Variants in POU2AF1 observed in about 807,000 individuals in gnomAD.
POU2AF1 encodes the protein POU class 2 homeobox associating factor 1, also known as POU domain class 2-associating factor 1.
In POU2AF1, 12 loss-of-function variants were observed where a neutral mutation model predicts 26.3. The observed-to-expected ratio is 0.46, with a 90% CI of 0.29 to 0.74. The LOEUF (loss-of-function observed/expected upper bound fraction) is 0.74. POU2AF1 is among the 30% of genes least tolerant of loss of function. POU2AF1 has a pLI of 0.09. For missense variants in POU2AF1, 297 were observed against 334.5 expected, an observed-to-expected ratio of 0.89 and a Z score of 0.87; for synonymous variants, 175 against 148.0, an observed-to-expected ratio of 1.18 and a Z score of -1.32.
chr11:111,356,703 T>C (rs1476311536), intron 4 of POU2AF1, among the ~76,000 whole-genome samples: 5 of 152,248 alleles, frequency 3.3e-5, no homozygotes, highest in African/African-American at 1.2e-4. Context: ...CCTTGGTTAA[T>C]GTTAGCAGAT....
chr11:111,359,104 C>G (rs889992280), intron 1 of POU2AF1, among the ~76,000 whole-genome samples, 186 bp from the exon 2 acceptor site: 7 of 152,184 alleles, frequency 4.6e-5, no homozygotes, highest in African/African-American at 7.2e-5. Flanking sequence ...TCTGTGGGTC[C>G]CCTGCACCCA....
At chr11:111,375,490 G>T (rs11213859) in intron 1 of POU2AF1, among the ~76,000 whole-genome samples, 1 of 146,244 alleles carries the variant, frequency 6.8e-6, no homozygotes, top group African/African-American at 2.6e-5. Flanking sequence ...TCCGCCTCCC[G>T]GGTTCATGCC....
intron 1 of POU2AF1, among the ~76,000 whole-genome samples, chr11:111,360,564 C>A (rs1043692198): frequency 1.3e-5 from 2 of 152,182 alleles, no homozygotes; most frequent in African/African-American, 4.8e-5. Context: ...TTAGACCCAT[C>A]CTCCAAGGTC....
intron 1 of POU2AF1, among the ~76,000 whole-genome samples, chr11:111,370,257 T>C (rs1477519998): frequency 6.6e-6 from 1 of 152,104 alleles, no homozygotes; most frequent in Admixed American, 6.5e-5. Flanking sequence ...TGAAAGACAT[T>C]GGAGAAGGGG....
chr11:111,370,729 C>T (rs1270770886), intron 1 of POU2AF1, among the ~76,000 whole-genome samples: 2 of 152,104 alleles, frequency 1.3e-5, no homozygotes, highest in East Asian at 3.8e-4. Flanking sequence ...GATTTTCTTC[C>T]CAGTGCTAAT....
rs140834337 is a variant in POU2AF1 at position 111,354,295 on chromosome 11, G to A, written c.737C>T (p.Ala246Val). Residue 246 changes from alanine to valine, a missense_variant, in exon 5 of 5, where the codon GCG becomes GTG. Physicochemically the swap from Ala to Val is moderately conservative, Grantham distance 64. Coordinates refer to ENST00000393067, the MANE Select transcript of POU2AF1 (RefSeq NM_006235.3). ...TTCCACAGAGAGAGTGTGGTTAAGCGCATAGGCGTCGCTATCCTCTTCCTC... is the reference window on the plus strand; with the variant it reads ...TTCCACAGAGAGAGTGTGGTTAAGCACATAGGCGTCGCTATCCTCTTCCTC... ...LLEEEDSDAY[A>V]LNHTLSVEGF 3.1e-4 allele frequency: 504 copies of A among 1,614,246 alleles called. 1 individual carries two copies. The highest frequency in any genetic ancestry group is 2.6e-3 in the Middle Eastern group (16 of 6,062).
chr11:111,369,179 G>A (rs561664366), intron 1 of POU2AF1, among the ~76,000 whole-genome samples: 6 of 152,174 alleles, frequency 3.9e-5, no homozygotes, highest in East Asian at 3.8e-4. Flanking sequence ...AAAAGACTTC[G>A]CTTTCGTACA....
At chr11:111,374,689 T>C (rs539608501) in intron 1 of POU2AF1, among the ~76,000 whole-genome samples, 2 of 152,266 alleles carry the variant, frequency 1.3e-5, no homozygotes, top group Non-Finnish European at 2.9e-5. Flanking sequence ...AGCAAGACTC[T>C]ATCTCAAAAA....
intron 1 of POU2AF1, among the ~76,000 whole-genome samples, chr11:111,377,063 G>A (rs1419355982): frequency 1.3e-5 from 2 of 152,180 alleles, no homozygotes; most frequent in East Asian, 3.9e-4. Context: ...GGTGTGAGCA[G>A]GAAGCATGCC....
intron 1 of POU2AF1, among the ~76,000 whole-genome samples, chr11:111,366,320 C>A (rs1861104023): frequency 6.6e-6 from 1 of 152,060 alleles, no homozygotes; most frequent in South Asian, 2.1e-4. Context: ...TGGATGATAC[C>A]CAGGACAGAG....
chr11:111,370,558 G>A (rs1045211764), intron 1 of POU2AF1, among the ~76,000 whole-genome samples: 4 of 152,180 alleles, frequency 2.6e-5, no homozygotes, highest in African/African-American at 9.7e-5. Context: ...CCAACAGAGT[G>A]AGAATGGCAG....
At chr11:111,360,335 GCAGCA>G (rs1860981296) in intron 1 of POU2AF1, among the ~76,000 whole-genome samples, 2 of 152,214 alleles carry the variant, frequency 1.3e-5, no homozygotes, top group Non-Finnish European at 2.9e-5. Flanking sequence ...ACCCGGATCT[GCAGCA>G]CTGCCCTGGT....
intron 1 of POU2AF1, chr11:111,359,975 AT>A (rs1181390137): frequency 5.8e-6 from 3 of 519,014 alleles, no homozygotes; most frequent in Non-Finnish European, 1.2e-5. Context: ...CCCAAGGGTG[AT>A]CCTTGTACCC....
chr11:111,358,837 C>T lies in POU2AF1; in HGVS notation c.98G>A (p.Arg33Lys), dbSNP rs1447300724. Residue 33 changes from arginine (R) to lysine (K), a missense_variant, in exon 2 of 5, where the codon AGG becomes AAG. By Grantham distance (26) the Arg-to-Lys change is conservative. Transcript: ENST00000393067. ...ACTGCTGGCGTGGCCTCGCTTCCTC[C>T]TCAGCAGTTCCTTCACTGGCTCCTT... ...RVKEPVKELLRRKRGHASSGA... is the reference protein window; with the variant it reads ...RVKEPVKELLKRKRGHASSGA... The T allele has an allele frequency of 6.2e-7, 1 of 1,609,012 alleles. No homozygotes were observed.
At position 111,374,495 on chromosome 11, in the gene POU2AF1, G is replaced by A. The variant is rs1192714611; in HGVS notation, c.16+4667C>T. On this transcript the variant is annotated intron_variant, in intron 1 of 4. Coordinates refer to ENST00000393067, the MANE Select transcript of POU2AF1 (RefSeq NM_006235.3). ...GTGGATCACTCGAGGTCAGGAGTTCGAGACCAGCCTGGCCAACATAGTGAA... is the reference window on the plus strand; with the variant it reads ...GTGGATCACTCGAGGTCAGGAGTTCAAGACCAGCCTGGCCAACATAGTGAA... Among the ~76,000 whole-genome samples, 4 of 152,148 alleles carry A rather than the reference G, an allele frequency of 2.6e-5. 1 individual carries two copies. The highest frequency in any genetic ancestry group is 4.1e-4 in the South Asian group (2 of 4,832).
chr11:111,375,069 T>A (rs1451050297), intron 1 of POU2AF1, among the ~76,000 whole-genome samples: 1 of 152,204 alleles, frequency 6.6e-6, no homozygotes, highest in Non-Finnish European at 1.5e-5. Context: ...GACATAATAA[T>A]CTGATACGAA....
In POU2AF1 at chr11:111,354,354, G is replaced by T. The variant is rs565938887; in HGVS notation, c.678C>A (p.Ala226=). The change falls in exon 5 of 5, where the codon GCC becomes GCA. Residue 226 remains alanine, a synonymous_variant. Coordinates refer to ENST00000393067, the MANE Select transcript of POU2AF1 (RefSeq NM_006235.3). ...VLQDMEDPRR[A]ASSLTIDKLL... ...GCTTGTCGATGGTCAACGAGCTGGC[G>T]GCTCTTCTGGGGTCTTCCATGTCCT... 2.5e-6 allele frequency: 4 copies of T among 1,614,078 alleles called. No individual in the cohort carries two copies. Among genetic ancestry groups the T allele is most frequent in the Non-Finnish European group, 3.4e-6 (4 of 1,180,036 alleles).
intron 1 of POU2AF1, 129 bp downstream of exon 1, chr11:111,379,032 TG>T (rs1861368588): frequency 2.9e-6 from 2 of 692,024 alleles, no homozygotes; most frequent in African/African-American, 2.2e-5. Flanking sequence ...CTCCGGGGCT[TG>T]GAACCCAGAC....
intron 1 of POU2AF1, among the ~76,000 whole-genome samples, chr11:111,374,631 G>A (rs767839199): frequency 7.9e-5 from 12 of 152,222 alleles, no homozygotes; most frequent in Non-Finnish European, 1.0e-4. Context: ...GGAGGCAGAG[G>A]TTGCAGTGAG....
Sources: gnomAD v4.1 joint callset for allele counts (sites outside exome capture counted in the v4.1 genomes callset) on GRCh38, gnomAD v4.1.1 for gene constraint, MANE v1.5 for transcripts, NCBI Gene and HGNC (gene_info 2026-07-23, HGNC 2026-07-21) for gene names.